MDGA2: variants seen among roughly 807,000 people sequenced by gnomAD.
MDGA2 encodes MAM domain-containing glycosylphosphatidylinositol anchor protein 2.
A neutral mutation model predicts 117.8 loss-of-function variants in MDGA2; 40 were observed. The observed-to-expected ratio is 0.34, with a 90% confidence interval of 0.26 to 0.44. The LOEUF is 0.44. MDGA2 is among the 20% of genes least tolerant of loss of function. The pLI is 1.00. For synonymous variants in MDGA2, 452 were observed against 439.0 expected (o/e 1.03, Z -0.37); for missense variants, 1,123 against 1,250.6 (o/e 0.90, Z 1.54).
At chr14:47,491,859 TA>T (rs1372130926) in intron 1 of MDGA2, among the ~76,000 whole-genome samples, 4 of 151,966 alleles carry the variant, frequency 2.6e-5, no homozygotes, top group African/African-American at 4.8e-5. Context: ...TAGTTATTCC[TA>T]AAAAAAATTC....
intron 1 of MDGA2, among the ~76,000 whole-genome samples, chr14:47,370,476 T>TG (rs1891324855): frequency 1.8e-5 from 1 of 54,512 alleles, no homozygotes; most frequent in African/African-American, 9.1e-5. Context: ...CTGTTTTTTT[T>TG]TTTTTTTTTT....
chr14:47,324,176 C>T (rs543475350), intron 1 of MDGA2, among the ~76,000 whole-genome samples: 9 of 151,824 alleles, frequency 5.9e-5, no homozygotes, highest in Admixed American at 1.3e-4. Context: ...ACCCAGGAGG[C>T]GAAGCTTGCA....
chr14:47,600,172 G>A (rs1478657417), intron 1 of MDGA2, among the ~76,000 whole-genome samples: 2 of 152,100 alleles, frequency 1.3e-5, no homozygotes, highest in Admixed American at 1.3e-4. Context: ...GAGGTAGGTG[G>A]ATTGCTTGAG....
intron 1 of MDGA2, among the ~76,000 whole-genome samples, chr14:47,373,582 C>T (rs7161018): frequency 0.43 from 65,379 of 151,994 alleles, 14,570 homozygotes; most frequent in East Asian, 0.61. Flanking sequence ...TGGTTACGTT[C>T]ATATAGACCT....
intron 6 of MDGA2, among the ~76,000 whole-genome samples, chr14:47,082,363 A>T (rs76876518): frequency 0.02 from 3,084 of 151,494 alleles, 41 homozygotes; most frequent in Admixed American, 0.034. Context: ...TTCACATACT[A>T]TAGCTATTTT....
chr14:47,633,981 C>T (rs1897281389), intron 1 of MDGA2, among the ~76,000 whole-genome samples: 1 of 152,126 alleles, frequency 6.6e-6, no homozygotes, highest in Non-Finnish European at 1.5e-5. Flanking sequence ...ACTGTCCTTT[C>T]CTAGGATGAA....
At chr14:47,249,582 T>C (rs1332165759) in intron 2 of MDGA2, among the ~76,000 whole-genome samples, 1 of 151,998 alleles carries the variant, frequency 6.6e-6, no homozygotes, top group East Asian at 1.9e-4. Flanking sequence ...CACTTCAACC[T>C]CGCAGAGTGC....
intron 3 of MDGA2, among the ~76,000 whole-genome samples, chr14:47,148,607 C>G (rs1039241128): frequency 6.6e-6 from 1 of 152,168 alleles, no homozygotes; most frequent in African/African-American, 2.4e-5. Flanking sequence ...TGACATTTCT[C>G]AAAGTATCTC....
intron 1 of MDGA2, among the ~76,000 whole-genome samples, chr14:47,352,444 A>G (rs1489445241): frequency 6.6e-6 from 1 of 152,132 alleles, no homozygotes; most frequent in Non-Finnish European, 1.5e-5. Flanking sequence ...TAAACTCACA[A>G]AAGCAAACCT....
intron 1 of MDGA2, among the ~76,000 whole-genome samples, chr14:47,395,401 A>C (rs1891986208): frequency 6.6e-6 from 1 of 152,170 alleles, no homozygotes; most frequent in Admixed American, 6.5e-5. Context: ...AAATATGATG[A>C]GGCATATTAT....
intron 9 of MDGA2, among the ~76,000 whole-genome samples, chr14:46,943,651 A>G (rs1297872583): frequency 2.6e-5 from 4 of 152,084 alleles, no homozygotes. Flanking sequence ...CACATCACAA[A>G]TGTAATAAAT....
intron 1 of MDGA2, among the ~76,000 whole-genome samples, chr14:47,547,959 G>C (rs1381938299): frequency 6.6e-6 from 1 of 151,854 alleles, no homozygotes; most frequent in Non-Finnish European, 1.5e-5. Flanking sequence ...ATATAACTAT[G>C]TTCGCCCCTC....
rs201861877 is a variant in MDGA2, at chr14:47,226,216, CATAAATAAATAAATAA to C, written c.421-8037_421-8022del. 4.2e-4 allele frequency among the ~76,000 whole-genome samples: 60 copies of C among 142,910 alleles called. No homozygotes were observed. In the East Asian group the frequency reaches 7.8e-3, roughly 19 times the overall value. 93.8% of individuals were successfully genotyped at this position (142,910 alleles called of 152,430 possible). ...GCAACAGAGTGAGACACTGTCTCAC[CATAAATAAATAAATAA>C]ATAAATAAATAAATAAATAAATAAA... is the stretch of plus-strand genomic sequence containing the variant. On this transcript the variant is annotated intron_variant, in intron 2 of 16. Coordinates refer to ENST00000399232, the MANE Select transcript of MDGA2 (RefSeq NM_001113498.3).
chr14:47,144,750 G>A (rs1234438544), intron 3 of MDGA2, among the ~76,000 whole-genome samples: 1 of 151,096 alleles, frequency 6.6e-6, no homozygotes, highest in Non-Finnish European at 1.5e-5. Context: ...CTGAACCCAA[G>A]CCATCCTCCT....
chr14:46,916,743 A>C (rs1172332268), intron 10 of MDGA2, among the ~76,000 whole-genome samples: 1 of 152,122 alleles, frequency 6.6e-6, no homozygotes, highest in Non-Finnish European at 1.5e-5. Context: ...GCACAAAGTC[A>C]TTACTCTTTA....
chr14:47,139,512 T>A (rs1187518305), intron 4 of MDGA2, among the ~76,000 whole-genome samples: 1 of 151,936 alleles, frequency 6.6e-6, no homozygotes. Context: ...GGAAAAGGTA[T>A]GCCCATATCT....
intron 1 of MDGA2, among the ~76,000 whole-genome samples, chr14:47,356,898 A>G (rs1320993227): frequency 6.6e-6 from 1 of 152,208 alleles, no homozygotes; most frequent in Non-Finnish European, 1.5e-5. Context: ...CAATCAATGT[A>G]AAATTTGGTA....
rs558827807 is a variant in MDGA2 at position 46,970,160 on chromosome 14, A to C, written c.1820-12517T>G. Among the ~76,000 whole-genome samples, 23 of 152,052 alleles carry C rather than the reference A, an allele frequency of 1.5e-4. 1 individual carries two copies. The South Asian group carries it at 4.8e-3, about 32-fold the overall frequency. On this transcript the variant is annotated intron_variant, in intron 8 of 16. Coordinates refer to ENST00000399232, the MANE Select transcript of MDGA2 (RefSeq NM_001113498.3). ...TATAGATTCAAAGCAGTCCTTACAAAAATGTCAATATCATTTTTCACAGAA... is the reference window on the plus strand; with the variant it reads ...TATAGATTCAAAGCAGTCCTTACAACAATGTCAATATCATTTTTCACAGAA...
rs370318802 is a variant in MDGA2 at position 47,256,906 on chromosome 14, AAG to A, written c.421-38713_421-38712del. 2.4e-3 allele frequency among the ~76,000 whole-genome samples: 363 copies of A among 151,986 alleles called. 2 individuals are homozygous for A. The highest frequency in any genetic ancestry group is 8.4e-3 in the African/African-American group (350 of 41,482). ...AAAAGAAAGAAAAAAGAAGGAAAGA[AAG>A]AAAGAAAAAGAAAGAGGAATGAAGG... On this transcript the variant is annotated intron_variant, in intron 2 of 16. Coordinates refer to ENST00000399232, the MANE Select transcript of MDGA2 (RefSeq NM_001113498.3).
Sources: gnomAD v4.1 joint callset for allele counts (sites outside exome capture counted in the v4.1 genomes callset) on GRCh38, gnomAD v4.1.1 for gene constraint, MANE v1.5 for transcripts, NCBI Gene and HGNC (gene_info 2026-07-23, HGNC 2026-07-21) for gene names.